Variants in ANO7 observed in about 807,000 individuals in gnomAD.
ANO7 encodes anoctamin-7.
ANO7 carries 114 observed loss-of-function variants against 115.8 expected under a neutral mutation model. The observed-to-expected ratio is 0.98, with a 90% confidence interval of 0.85 to 1.15. The LOEUF (loss-of-function observed/expected upper bound fraction) is 1.15, where lower values mean the gene tolerates loss of function less well. Ranked by LOEUF, ANO7 falls within the 50% of genes most tolerant of loss-of-function variation. The pLI is 0.00. For synonymous variants in ANO7, 550 were observed against 498.2 expected, an observed-to-expected ratio of 1.10 and a Z score of -1.38; for missense variants, 1,302 against 1,201.2, an observed-to-expected ratio of 1.08 and a Z score of -1.24.
chr2:241,196,667 C>A (rs1006020346), intron 4 of ANO7, among the ~76,000 whole-genome samples: 1 of 152,248 alleles, frequency 6.6e-6, no homozygotes, highest in Non-Finnish European at 1.5e-5. Flanking sequence ...GTCATTCCTG[C>A]GGTGAGGCCC....
the ANO7 span, chr2:241,240,180 GAAGAC>G: frequency 6.5e-7 from 1 of 1,529,344 alleles, no homozygotes; most frequent in Admixed American, 1.7e-5. The surrounding 1 kb of genome is among the most constrained non-coding windows in gnomAD (Gnocchi z 5.5). Flanking sequence ...CCACAGTGAG[GAAGAC>G]AAGAGGGTCT....
the ANO7 span, chr2:241,235,647 T>A: frequency 7.6e-7 from 1 of 1,311,638 alleles, no homozygotes; most frequent in Non-Finnish European, 1.1e-6. Flanking sequence ...CAGAGTGACG[T>A]TGTAAGCTCA....
chr2:241,225,974 A>AAAGT (rs1491343306), exon 25 of ANO7, among the ~76,000 whole-genome samples: 6 of 152,130 alleles, frequency 3.9e-5, no homozygotes, highest in African/African-American at 1.4e-4. Context: ...CTTAAACTCC[A>AAAGT]AAGTTTTAAG....
intron 2 of ANO7, among the ~76,000 whole-genome samples, chr2:241,190,446 G>A (rs1036585432): frequency 1.3e-5 from 2 of 152,198 alleles, no homozygotes; most frequent in East Asian, 3.9e-4. Context: ...GCCAGGCAAA[G>A]GCAAGACCAG....
intron 4 of ANO7, among the ~76,000 whole-genome samples, chr2:241,197,065 G>A (rs1275698346): frequency 6.6e-6 from 1 of 152,164 alleles, no homozygotes; most frequent in East Asian, 1.9e-4. Flanking sequence ...CAACCAGTTG[G>A]GATATAGTGG....
At chr2:241,239,583 C>A in the ANO7 span, 2 of 1,606,956 alleles carry the variant, frequency 1.2e-6, no homozygotes, top group South Asian at 1.1e-5. This position sits in a 1 kb window ranked among gnomAD's most constrained non-coding sequence, Gnocchi z 4.6. Context: ...AACCCCTCCC[C>A]GAGCACCCAA....
chr2:241,214,850 G>C lies in ANO7; in HGVS notation c.1774G>C (p.Val592Leu). 6.2e-7 allele frequency: 1 copy of C among 1,612,900 alleles called. No homozygotes were observed. The highest frequency in any genetic ancestry group is 8.5e-7 in the Non-Finnish European group (1 of 1,179,948). Reference protein sequence around the residue: ...CLIELAQELLVIMVGKQVINN... With the variant: ...CLIELAQELLLIMVGKQVINN... ...GATCGAGCTGGCACAGGAGCTCCTG[G>C]TCATCATGGTGGGCAAGCAGGTCAT... The change falls in exon 18 of 25, where the codon GTC (valine) becomes CTC (leucine). Residue 592 changes from valine (V) to leucine (L), a missense_variant. Transcript: ENST00000674324.
chr2:241,237,589 A>G, the ANO7 span, among the ~76,000 whole-genome samples: 3 of 152,192 alleles, frequency 2.0e-5, no homozygotes, highest in East Asian at 1.9e-4. Context: ...TACCGACAAC[A>G]TATTAGATAC....
At position 241,217,624 on chromosome 2, in the gene ANO7, C is replaced by G. The variant is rs748471357; in HGVS notation, c.1973-62C>G. On this transcript the variant is annotated intron_variant, in intron 19 of 24. Transcript: ENST00000674324. The stretch of plus-strand genomic sequence containing the variant: ...GGACTGGCCGGTCCTCCGCGGGGGG[C>G]GCGTTCCGAGGGCTGAGGGCGGACG... 4 of 1,514,754 alleles carry G rather than the reference C, an allele frequency of 2.6e-6. No homozygotes were observed. The South Asian group carries it at 4.8e-5, about 18-fold the overall frequency. The allele number at this position is 1,514,754 out of a possible 1,614,324, so 93.8% of individuals were successfully genotyped here. A position where few individuals can be genotyped will look rare whatever the true frequency, so the allele number is the denominator to read the frequency against.
Position 241,209,345 on chromosome 2 carries a change from G to T in ANO7, c.1138G>T (p.Ala380Ser). 6.3e-7 allele frequency: 1 copy of T among 1,577,716 alleles called. No homozygotes were observed. The highest frequency in any genetic ancestry group is 2.3e-5 in the East Asian group (1 of 42,658). ...VFFSLFMALW[A>S]VLLLEYWKRK... ...CTTCAGCTTGTTCATGGCACTGTGG[G>T]CCGTGCTGCTGCTGGAGTACTGGAA... The change falls in exon 12 of 25, where the codon GCC becomes TCC. Residue 380 changes from alanine (A) to serine (S), a missense_variant. Coordinates refer to ENST00000674324, the MANE Select transcript of ANO7 (RefSeq NM_001370694.2).
chr2:241,213,770 A>G (rs1393767694), intron 17 of ANO7, among the ~76,000 whole-genome samples: 3 of 152,138 alleles, frequency 2.0e-5, no homozygotes, highest in Non-Finnish European at 4.4e-5. Flanking sequence ...TCCTTTTGGA[A>G]GAGGAGGAGG....
downstream of ANO7, chr2:241,229,226 A>C: frequency 4.5e-6 from 1 of 221,880 alleles, no homozygotes; most frequent in Non-Finnish European, 9.2e-6. Context: ...GCTTTTATAA[A>C]GTCAAGGACG....
intron 21 of ANO7, among the ~76,000 whole-genome samples, chr2:241,219,030 C>T (rs1233184563): frequency 6.6e-6 from 1 of 152,210 alleles, no homozygotes; most frequent in Non-Finnish European, 1.5e-5. Flanking sequence ...TTTTTGCTTT[C>T]TTCCTTTTCT....
intron 17 of ANO7, among the ~76,000 whole-genome samples, chr2:241,213,348 C>T (rs1361026165): frequency 9.2e-5 from 14 of 152,276 alleles, no homozygotes; most frequent in Admixed American, 9.2e-4. Flanking sequence ...TGGGCTCTGC[C>T]TGTGACTGTA....
intron 3 of ANO7, among the ~76,000 whole-genome samples, chr2:241,193,511 C>T (rs762611155): frequency 2.0e-5 from 3 of 152,102 alleles, no homozygotes; most frequent in Non-Finnish European, 4.4e-5. Context: ...CCCACCAGGC[C>T]CTCAGACCAC....
chr2:241,208,732 AC>A (rs2068643297), intron 11 of ANO7, among the ~76,000 whole-genome samples: 1 of 152,048 alleles, frequency 6.6e-6, no homozygotes, highest in African/African-American at 2.4e-5. Context: ...TAGGTCCAAA[AC>A]CTCATGAAAA....
chr2:241,212,312 G>A, intron 16 of ANO7, 107 bp downstream of exon 16: 2 of 1,209,766 alleles, frequency 1.7e-6, no homozygotes, highest in Admixed American at 1.8e-5. Context: ...CAGGCAGGTG[G>A]AGGACGGAAC....
chr2:241,196,653 C>T (rs1314606068), intron 4 of ANO7, among the ~76,000 whole-genome samples: 4 of 152,348 alleles, frequency 2.6e-5, no homozygotes, highest in East Asian at 3.9e-4. Context: ...GAATCTCATG[C>T]GGGGTCATTC....
At chr2:241,240,211 C>T in the ANO7 span, 12 of 1,282,106 alleles carry the variant, frequency 9.4e-6, no homozygotes, top group South Asian at 2.4e-5. The surrounding 1 kb of genome is among the most constrained non-coding windows in gnomAD (Gnocchi z 5.5). Flanking sequence ...ACAGCAAGCT[C>T]GGGCTCCCCT....
Sources: gnomAD v4.1 joint callset for allele counts (sites outside exome capture counted in the v4.1 genomes callset) on GRCh38, gnomAD v4.1.1 for gene constraint, Gnocchi (gnomAD v3.1) non-coding constraint, MANE v1.5 for transcripts, NCBI Gene and HGNC (gene_info 2026-07-23, HGNC 2026-07-21) for gene names.